Variants in CREBRF observed in about 807,000 individuals in gnomAD.
CREBRF encodes the protein CREB3 regulatory factor.
In CREBRF, 5 loss-of-function variants were observed where a neutral mutation model predicts 66.1. That is an observed-to-expected ratio of 0.08 (90% CI 0.04 to 0.16). The LOEUF (loss-of-function observed/expected upper bound fraction) is 0.16, where lower values mean the gene tolerates loss of function less well. Among genes scored for constraint, CREBRF ranks in the 10% least tolerant of loss-of-function variants. CREBRF has a pLI of 1.00. For missense variants in CREBRF, 531 were observed against 744.9 expected (o/e 0.71, Z 3.34); for synonymous variants, 229 against 264.4 (o/e 0.87, Z 1.30).
chr5:173,086,605 T>C lies in CREBRF; in HGVS notation c.114T>C (p.Asp38=). 6.2e-7 allele frequency: 1 copy of C among 1,612,642 alleles called. No homozygotes were observed. Among genetic ancestry groups the C allele is most frequent in the Non-Finnish European group, 8.5e-7 (1 of 1,179,410 alleles). Residue 38 remains aspartate (D), a synonymous_variant, in exon 3 of 9, where the codon GAT becomes GAC. Transcript: ENST00000296953. ...MSTDLLANSS[D]PDFMYELDRE... is the part of the protein sequence containing the mutation. ...CAGATCTCTTAGCAAACAGTTCGGA[T>C]CCAGATTTCATGTATGAACTGGTAA... is the stretch of plus-strand genomic sequence containing the variant.
At chr5:173,057,974 G>T (rs1757127605) in intron 1 of CREBRF, among the ~76,000 whole-genome samples, 2 of 151,844 alleles carry the variant, frequency 1.3e-5, no homozygotes, top group Non-Finnish European at 2.9e-5. Flanking sequence ...AGTTTCGAAG[G>T]TTCTTTGGGA....
Position 173,135,361 on chromosome 5 carries a change from T to C in CREBRF, c.*1616T>C, listed in dbSNP as rs1266460197. 6.6e-6 allele frequency: 1 copy of C among 152,460 alleles called. No individual in the cohort carries two copies. The highest frequency in any genetic ancestry group is 6.5e-5 in the Admixed American group (1 of 15,270). The allele number at this position is 152,460 out of a possible 1,614,324, so 9.4% of individuals were successfully genotyped here. On this transcript the variant is annotated 3_prime_UTR_variant, in exon 9 of 9. Coordinates refer to ENST00000296953, the MANE Select transcript of CREBRF (RefSeq NM_153607.3). ...TATAAAACAGCTTCATTAGTCAGTG[T>C]TTTAACTGTGTTCAAGCTTTACCTC...
At chr5:173,075,975 T>C (rs1297918305) in intron 1 of CREBRF, among the ~76,000 whole-genome samples, 1 of 148,872 alleles carries the variant, frequency 6.7e-6, no homozygotes, top group Non-Finnish European at 1.5e-5. Flanking sequence ...AATCCCAGCA[T>C]TTTGGGAGGC....
chr5:173,083,846 T>G (rs908398406), intron 2 of CREBRF, among the ~76,000 whole-genome samples: 1 of 152,244 alleles, frequency 6.6e-6, no homozygotes, highest in African/African-American at 2.4e-5. Flanking sequence ...TGCTCTATAT[T>G]TTTTCAATTT....
intron 1 of CREBRF, among the ~76,000 whole-genome samples, chr5:173,074,974 G>A (rs1329341064): frequency 1.3e-5 from 2 of 152,116 alleles, no homozygotes; most frequent in African/African-American, 4.8e-5. Context: ...CTATTACATT[G>A]ATCAGGTATA....
intron 4 of CREBRF, among the ~76,000 whole-genome samples, chr5:173,098,219 G>T (rs1208591768): frequency 2.1e-5 from 3 of 142,130 alleles, no homozygotes; most frequent in South Asian, 2.2e-4. Context: ...ATGGAGTCTC[G>T]CTCTGTCACC....
At position 173,082,139 on chromosome 5, in the gene CREBRF, A is replaced by G. The variant is rs974337612; in HGVS notation, c.9+1355A>G. ...CGCCATTCTCCTGCCTCAGCCTCCCAAGTAGCTGGGACTACAGGCGCCTGC... is the reference window on the plus strand; with the variant it reads ...CGCCATTCTCCTGCCTCAGCCTCCCGAGTAGCTGGGACTACAGGCGCCTGC... On this transcript the variant is annotated intron_variant, in intron 2 of 8. Coordinates refer to ENST00000296953, the MANE Select transcript of CREBRF (RefSeq NM_153607.3). Among the ~76,000 whole-genome samples the G allele has an allele frequency of 6.9e-5, 10 of 144,812 alleles. No individual in the cohort carries two copies. The East Asian group carries it at 1.5e-3, about 21-fold the overall frequency.
intron 1 of CREBRF, among the ~76,000 whole-genome samples, chr5:173,059,103 C>G (rs573176871): frequency 6.6e-6 from 1 of 151,492 alleles, no homozygotes; most frequent in African/African-American, 2.4e-5. Flanking sequence ...CGGCCTGATT[C>G]ATCAATTTTT....
At chr5:173,070,669 TC>T (rs1757572142) in intron 1 of CREBRF, among the ~76,000 whole-genome samples, 1 of 152,096 alleles carries the variant, frequency 6.6e-6, no homozygotes, top group Non-Finnish European at 1.5e-5. Flanking sequence ...ATATCACTCT[TC>T]TTGGAAATTA....
chr5:173,117,717 C>G (rs1169142162), intron 7 of CREBRF, among the ~76,000 whole-genome samples: 1 of 142,758 alleles, frequency 7.0e-6, no homozygotes, highest in African/African-American at 2.6e-5. Flanking sequence ...CTCCTTCCAT[C>G]TTTCTATCTT....
intron 7 of CREBRF, among the ~76,000 whole-genome samples, chr5:173,117,672 TTCTCTC>T (rs1209741074): frequency 8.0e-6 from 1 of 124,398 alleles, no homozygotes; most frequent in African/African-American, 2.9e-5. Context: ...CTCTTTCTTT[TTCTCTC>T]TCTCTCTCTC....
At chr5:173,074,300 T>TC (rs1469395082) in intron 1 of CREBRF, among the ~76,000 whole-genome samples, 2 of 73,068 alleles carry the variant, frequency 2.7e-5, no homozygotes, top group African/African-American at 9.9e-5. Flanking sequence ...AAAGTCTGTC[T>TC]CAAAAAAAAA....
intron 4 of CREBRF, chr5:173,092,170 T>C (rs996202858): frequency 9.5e-5 from 89 of 936,098 alleles, no homozygotes; most frequent in Non-Finnish European, 1.1e-4. Context: ...GTATATAGAA[T>C]GTTGAACCAA....
chr5:173,092,910 T>C (rs1748887062), intron 4 of CREBRF, among the ~76,000 whole-genome samples: 1 of 152,176 alleles, frequency 6.6e-6, no homozygotes, highest in Non-Finnish European at 1.5e-5. Flanking sequence ...CTCTATATAG[T>C]CTAGGTAGAA....
At chr5:173,093,879 T>A (rs143791597) in intron 4 of CREBRF, among the ~76,000 whole-genome samples, 53 of 152,328 alleles carry the variant, frequency 3.5e-4, no homozygotes, top group African/African-American at 1.3e-3. Context: ...TCATCCTGCA[T>A]AACTGAAACT....
chr5:173,068,893 A>AC (rs1214465718), intron 1 of CREBRF, among the ~76,000 whole-genome samples: 9 of 151,452 alleles, frequency 5.9e-5, no homozygotes, highest in African/African-American at 2.2e-4. Flanking sequence ...ACATGGTGAA[A>AC]CCCCATCAGT....
At position 173,129,848 on chromosome 5, in the gene CREBRF, A is replaced by G. The variant is rs533362829; in HGVS notation, c.1805-3782A>G. ...TGTTTGTTTGTTTTTTGTTTTTGAG[A>G]CAGAGTCTCGCTCTGTCGCCCAGAC... is the stretch of plus-strand genomic sequence containing the variant. On this transcript the variant is annotated intron_variant, in intron 8 of 8. Coordinates refer to ENST00000296953, the MANE Select transcript of CREBRF (RefSeq NM_153607.3). Among the ~76,000 whole-genome samples, 540 of 152,020 alleles carry G rather than the reference A, an allele frequency of 3.6e-3. 3 individuals are homozygous for G. The highest frequency in any genetic ancestry group is 0.012 in the African/African-American group (503 of 41,454).
At position 173,091,158 on chromosome 5, in the gene CREBRF, G is replaced by T. The variant is rs774717351; in HGVS notation, c.979G>T (p.Asp327Tyr). The change falls in exon 4 of 9, where the codon GAT (aspartate) becomes TAT (tyrosine). Residue 327 changes from aspartate to tyrosine, a missense_variant. This residue lies in a region of CREBRF where 309 missense variants were observed against 341.4 expected (regional missense o/e 0.90). Coordinates refer to ENST00000296953, the MANE Select transcript of CREBRF (RefSeq NM_153607.3). ...TCTTTCTGCCAGTACATCAGTCTCAGATTCATCCCAGAAAAAAGAAGAGCA... is the reference window on the plus strand; with the variant it reads ...TCTTTCTGCCAGTACATCAGTCTCATATTCATCCCAGAAAAAAGAAGAGCA... ...SSLSASTSVS[D>Y]SSQKKEEHNY... is the part of the protein sequence containing the mutation. The T allele has an allele frequency of 6.2e-7, 1 of 1,614,202 alleles. No homozygotes were observed. Among genetic ancestry groups the T allele is most frequent in the Non-Finnish European group, 8.5e-7 (1 of 1,180,034 alleles).
chr5:173,131,225 C>T (rs925448068), intron 8 of CREBRF, among the ~76,000 whole-genome samples: 5 of 152,174 alleles, frequency 3.3e-5, no homozygotes, highest in East Asian at 3.8e-4. Context: ...GAAAATAACT[C>T]GTAAAAATCA....
Sources: allele counts gnomAD v4.1 joint callset (sites outside exome capture counted in the v4.1 genomes callset), GRCh38; gene constraint gnomAD v4.1.1; regional missense constraint gnomAD v4.1.1; transcripts MANE v1.5; gene names NCBI Gene and HGNC (gene_info 2026-07-23, HGNC 2026-07-21).